The following KIAA1549L variants were observed in gnomAD, a reference collection of about 807,000 sequenced individuals.
KIAA1549L encodes the protein KIAA1549 like.
A neutral mutation model predicts 160.7 loss-of-function variants in KIAA1549L; 88 were observed. That is an observed-to-expected ratio of 0.55 (90% CI 0.46 to 0.65). KIAA1549L has a LOEUF of 0.65. Ranked by LOEUF, KIAA1549L falls within the 30% of genes least tolerant of loss-of-function variation. The probability of loss-of-function intolerance (pLI) is 0.00; values close to 1 mark genes in which losing one functional copy is unlikely to be tolerated. For synonymous variants in KIAA1549L, 950 were observed against 976.7 expected (o/e 0.97, Z 0.51); for missense variants, 2,258 against 2,437.5 (o/e 0.93, Z 1.55).
intron 8 of KIAA1549L, among the ~76,000 whole-genome samples, chr11:33,564,746 A>G (rs1379156702): frequency 1.4e-5 from 2 of 144,278 alleles, no homozygotes; most frequent in Non-Finnish European, 1.6e-5. Context: ...TGTGTCCTTG[A>G]GCAAGCCACT....
At chr11:33,417,223 C>A (rs1042018171) in intron 1 of KIAA1549L, among the ~76,000 whole-genome samples, 1 of 152,162 alleles carries the variant, frequency 6.6e-6, no homozygotes, top group Non-Finnish European at 1.5e-5. Flanking sequence ...GTACTACATT[C>A]ACGTTTTTCA....
intron 12 of KIAA1549L, among the ~76,000 whole-genome samples, chr11:33,596,539 C>T (rs1565203884): frequency 6.6e-6 from 1 of 152,118 alleles, no homozygotes; most frequent in African/African-American, 2.4e-5. Context: ...GAGTTTGAGA[C>T]CAGCCTGGGC....
chr11:33,421,170 C>G (rs941836008), intron 1 of KIAA1549L, among the ~76,000 whole-genome samples: 4 of 143,488 alleles, frequency 2.8e-5, no homozygotes, highest in Non-Finnish European at 6.0e-5. Context: ...CTTCACTGCT[C>G]TTCTCACTCA....
chr11:33,662,687 G>A (rs1336909474), intron 20 of KIAA1549L, among the ~76,000 whole-genome samples: 4 of 152,148 alleles, frequency 2.6e-5, no homozygotes, highest in African/African-American at 9.7e-5. Flanking sequence ...CCTGTTGTGT[G>A]GAGTGTAACC....
chr11:33,668,228 T>C lies in KIAA1549L; in HGVS notation c.*74T>C, dbSNP rs1027521049. On this transcript the variant is annotated 3_prime_UTR_variant, in exon 21 of 21. Coordinates refer to ENST00000658780, the MANE Select transcript of KIAA1549L (RefSeq NM_012194.3). ...CTTTGGGTTTCCCATGCCTACGTGT[T>C]AGGACTTGAGACATAGCAATGGGTG... 2 of 1,419,550 alleles carry C rather than the reference T, an allele frequency of 1.4e-6. No homozygotes were observed. Among genetic ancestry groups the C allele is most frequent in the Non-Finnish European group, 1.9e-6 (2 of 1,036,222 alleles). The allele number at this position is 1,419,550 out of a possible 1,614,324, so 87.9% of individuals were successfully genotyped here.
chr11:33,451,432 T>A (rs1565142917), intron 1 of KIAA1549L, among the ~76,000 whole-genome samples: 1 of 152,236 alleles, frequency 6.6e-6, no homozygotes, highest in African/African-American at 2.4e-5. Context: ...TAAATAACCA[T>A]GTGCACATAA....
chr11:33,408,489 G>GTGTGTGTATATATA (rs34208718), intron 1 of KIAA1549L, among the ~76,000 whole-genome samples: 1 of 123,076 alleles, frequency 8.1e-6, no homozygotes, highest in African/African-American at 3.2e-5. Context: ...CTGTATATGT[G>GTGTGTGTATATATA]TATATATATA....
intron 10 of KIAA1549L, among the ~76,000 whole-genome samples, chr11:33,580,454 A>G (rs1855596538): frequency 6.6e-6 from 1 of 151,860 alleles, no homozygotes; most frequent in Non-Finnish European, 1.5e-5. Context: ...GGTGCGTGTA[A>G]TCCCAGCTAC....
intron 10 of KIAA1549L, among the ~76,000 whole-genome samples, chr11:33,577,950 TCAGTTCCATGA>T (rs563773550): frequency 2.0e-3 from 302 of 152,306 alleles, no homozygotes; most frequent in African/African-American, 6.7e-3. Flanking sequence ...CTTTGGCCTG[TCAGTTCCATGA>T]CAGTTCTATG....
Position 33,668,038 on chromosome 11 carries a change from G to C in KIAA1549L, c.6325G>C (p.Asp2109His). The C allele has an allele frequency of 5.0e-6, 8 of 1,614,002 alleles. No individual in the cohort carries two copies. Among genetic ancestry groups the C allele is most frequent in the Non-Finnish European group, 6.8e-6 (8 of 1,179,902 alleles). Reference protein sequence around the residue: ...AASQQSLAENDPSDAPLTNIS... With the variant: ...AASQQSLAENHPSDAPLTNIS... ...CTCGCAGCAGAGCCTGGCAGAAAAC[G>C]ACCCGTCTGACGCTCCCCTGACCAA... is the stretch of plus-strand genomic sequence containing the variant. The change falls in exon 21 of 21, where the codon GAC (aspartate) becomes CAC (histidine). Residue 2109 changes from aspartate (D) to histidine (H), a missense_variant. Asp to His is a moderately conservative substitution (Grantham distance 81). Coordinates refer to ENST00000658780, the MANE Select transcript of KIAA1549L (RefSeq NM_012194.3).
In KIAA1549L at chr11:33,609,870, A is replaced by C; in HGVS notation, c.5183A>C (p.Glu1728Ala). 1 of 1,614,002 alleles carries C rather than the reference A, an allele frequency of 6.2e-7. No individual in the cohort carries two copies. The highest frequency in any genetic ancestry group is 1.6e-4 in the Middle Eastern group (1 of 6,062). ...GTGGAGACGAGCAAGGGTCTGACCG[A>C]AAGAAAGAAGATGTATGAAAAAGCC... ...PAVETSKGLT[E>A]RKKMYEKAPK... The change falls in exon 15 of 21, where the codon GAA becomes GCA. Residue 1728 changes from glutamate to alanine, a missense_variant. Transcript: ENST00000658780.
intron 1 of KIAA1549L, among the ~76,000 whole-genome samples, chr11:33,405,788 G>T (rs1850635009): frequency 7.1e-6 from 1 of 140,332 alleles, no homozygotes; most frequent in African/African-American, 2.7e-5. Flanking sequence ...GTTGCAGTGA[G>T]CTGAGACTGC....
At chr11:33,414,084 C>A (rs79678701) in intron 1 of KIAA1549L, among the ~76,000 whole-genome samples, 7,427 of 152,288 alleles carry the variant, frequency 0.049, 295 homozygotes, top group African/African-American at 0.1. Context: ...TCTGTGACAT[C>A]ATTTCTTCAT....
At chr11:33,534,249 A>AT (rs57841189) in intron 1 of KIAA1549L, among the ~76,000 whole-genome samples, 3,320 of 142,510 alleles carry the variant, frequency 0.023, 110 homozygotes, top group African/African-American at 0.074. Flanking sequence ...CGCCCAGCTA[A>AT]TTTTTTTTTT....
At chr11:33,513,523 T>A (rs1205232780) in intron 1 of KIAA1549L, among the ~76,000 whole-genome samples, 3 of 152,180 alleles carry the variant, frequency 2.0e-5, no homozygotes, top group Admixed American at 1.3e-4. Flanking sequence ...TGTTTCTTCT[T>A]CTCTCCCCTC....
intron 13 of KIAA1549L, among the ~76,000 whole-genome samples, chr11:33,603,637 T>A (rs1041194172): frequency 6.6e-6 from 1 of 151,874 alleles, no homozygotes; most frequent in African/African-American, 2.4e-5. Flanking sequence ...TGAAACCCCG[T>A]CTCTACTAAA....
chr11:33,584,324 T>G (rs959501580), intron 11 of KIAA1549L, among the ~76,000 whole-genome samples: 2 of 152,108 alleles, frequency 1.3e-5, no homozygotes, highest in Non-Finnish European at 2.9e-5. Context: ...TTGGTTGGAG[T>G]GACATCTTCA....
chr11:33,382,094 G>A (rs555307360), intron 1 of KIAA1549L, among the ~76,000 whole-genome samples: 136 of 152,284 alleles, frequency 8.9e-4, no homozygotes, highest in African/African-American at 3.1e-3. Flanking sequence ...GGAGCCATCA[G>A]CATGGAAGCG....
At chr11:33,613,096 T>C (rs969544413) in intron 15 of KIAA1549L, among the ~76,000 whole-genome samples, 2 of 152,184 alleles carry the variant, frequency 1.3e-5, no homozygotes, top group Admixed American at 1.3e-4. Context: ...GGTGGAATGA[T>C]TTCTGTTCCT....
Sources: allele counts gnomAD v4.1 joint callset (sites outside exome capture counted in the v4.1 genomes callset), GRCh38; gene constraint gnomAD v4.1.1; transcripts MANE v1.5; gene names NCBI Gene and HGNC (gene_info 2026-07-23, HGNC 2026-07-21).